ANPEP: variants seen among roughly 807,000 people sequenced by gnomAD.
The protein encoded by ANPEP is alanyl aminopeptidase, membrane.
A neutral mutation model predicts 114.6 loss-of-function variants in ANPEP; 70 were observed. The observed-to-expected ratio is 0.61, with a 90% confidence interval of 0.50 to 0.75. The LOEUF is 0.75. Ranked by LOEUF, ANPEP falls within the 30% of genes least tolerant of loss-of-function variation. The pLI, the probability that ANPEP is intolerant of heterozygous loss-of-function variation, is 0.00. For missense variants in ANPEP, 1,184 were observed against 1,259.5 expected, an observed-to-expected ratio of 0.94 and a Z score of 0.91; for synonymous variants, 548 against 522.3, an observed-to-expected ratio of 1.05 and a Z score of -0.67.
In ANPEP at chr15:89,806,505, T is replaced by G. The variant is rs369184847; in HGVS notation, c.79A>C (p.Ile27Leu). 2.0e-5 allele frequency: 32 copies of G among 1,613,838 alleles called. No homozygotes were observed. The highest frequency in any genetic ancestry group is 2.5e-5 in the Non-Finnish European group (30 of 1,179,934). Residue 27 changes from isoleucine to leucine, a missense_variant, in exon 2 of 21, where the codon ATC becomes CTC. By Grantham distance (5) the Ile-to-Leu change is conservative. Coordinates refer to ENST00000300060, the MANE Select transcript of ANPEP (RefSeq NM_001150.3). This position sits in a 1 kb window ranked among gnomAD's most constrained non-coding sequence, Gnocchi z 5.7. ...LLGVAAVCTI[I>L]ALSVVYSQEK... Reference sequence around the variant, plus strand: ...TGGGAGTACACCACTGACAGTGCGATGATTGTGCACACGGCTGCCACGCCC... The same window carrying G: ...TGGGAGTACACCACTGACAGTGCGAGGATTGTGCACACGGCTGCCACGCCC...
At chr15:89,794,983 T>C (rs1968701863) in intron 15 of ANPEP, among the ~76,000 whole-genome samples, 1 of 152,156 alleles carries the variant, frequency 6.6e-6, no homozygotes, top group South Asian at 2.1e-4. Context: ...CCATGGAGCT[T>C]CCACTTGCAT....
intron 4 of ANPEP, 149 bp downstream of exon 4, chr15:89,804,927 CAG>C: frequency 8.6e-7 from 1 of 1,156,106 alleles, no homozygotes; most frequent in Non-Finnish European, 1.2e-6. Flanking sequence ...AATGGAGAAC[CAG>C]AGAACAAGAC....
chr15:89,804,999 G>A, intron 4 of ANPEP, 79 bp downstream of exon 4: 1 of 1,585,590 alleles, frequency 6.3e-7, no homozygotes, highest in Non-Finnish European at 8.6e-7. Context: ...TCAGAAACTG[G>A]CACAGGGATG....
At chr15:89,792,356 G>A (rs1298379338) in intron 17 of ANPEP, 29 bp from the exon 18 acceptor site, 1 of 1,613,132 alleles carries the variant, frequency 6.2e-7, no homozygotes, top group Non-Finnish European at 8.5e-7. Context: ...GTCAGGTGTG[G>A]AACAGCAGCG....
At position 89,803,135 on chromosome 15, in the gene ANPEP, G is replaced by T; in HGVS notation, c.1569+104C>A. ...TCCATCCACCCTGCAGGGCTGGTCA[G>T]CCGCGGAGCTGGACCCATTCTCTTA... On this transcript the variant is annotated intron_variant, in intron 10 of 20. Transcript: ENST00000300060. This position sits in a 1 kb window ranked among gnomAD's most constrained non-coding sequence, Gnocchi z 4.2. 2 of 1,315,982 alleles carry T rather than the reference G, an allele frequency of 1.5e-6. No individual in the cohort carries two copies. The highest frequency in any genetic ancestry group is 2.2e-6 in the Non-Finnish European group (2 of 913,764). The allele number at this position is 1,315,982 out of a possible 1,614,324, so 81.5% of individuals were successfully genotyped here. A position where few individuals can be genotyped will look rare whatever the true frequency, so the allele number is the denominator to read the frequency against.
At chr15:89,811,974 G>A (rs1894824071) in intron 1 of ANPEP, among the ~76,000 whole-genome samples, 1 of 152,222 alleles carries the variant, frequency 6.6e-6, no homozygotes, top group African/African-American at 2.4e-5. Context: ...TAAAACCAAA[G>A]CCAAAACCAA....
Position 89,805,343 on chromosome 15 carries a change from G to C in ANPEP, c.735C>G (p.Ala245=). Reference sequence around the variant, plus strand: ...CACCTTTGGGAAGCATGTTGGACAGGGCTGTCAGGTCCTTGGGGTGGATAA... The same window carrying C: ...CACCTTTGGGAAGCATGTTGGACAGCGCTGTCAGGTCCTTGGGGTGGATAA... ...ITLIHPKDLT[A]LSNMLPKGPS... is the part of the protein sequence containing the mutation. Residue 245 remains alanine, a synonymous_variant, in exon 3 of 21, where the codon GCC becomes GCG. Transcript: ENST00000300060. 1.9e-6 allele frequency: 3 copies of C among 1,614,110 alleles called. No homozygotes were observed. The highest frequency in any genetic ancestry group is 2.5e-6 in the Non-Finnish European group (3 of 1,179,980).
At chr15:89,800,983 T>C in intron 12 of ANPEP, 128 bp downstream of exon 12, 1 of 763,190 alleles carries the variant, frequency 1.3e-6, no homozygotes. Context: ...AGCAGCAAAG[T>C]GGAGATTGGA....
rs1490488301 is a variant in ANPEP at position 89,805,360 on chromosome 15, G to T, written c.718C>A (p.Pro240Thr). ...KAEFNITLIH[P>T]KDLTALSNML... ...TTGGACAGGGCTGTCAGGTCCTTGG[G>T]GTGGATAAGCGTGATGTTGAACTCG... is the stretch of plus-strand genomic sequence containing the variant. The change falls in exon 3 of 21, where the codon CCC becomes ACC. Residue 240 changes from proline (P) to threonine (T), a missense_variant. By Grantham distance (38) the Pro-to-Thr change is conservative. Coordinates refer to ENST00000300060, the MANE Select transcript of ANPEP (RefSeq NM_001150.3). The T allele has an allele frequency of 6.2e-6, 10 of 1,614,010 alleles. No homozygotes were observed. In the Admixed American group the frequency reaches 1.2e-4, roughly 19 times the overall value.
chr15:89,812,304 T>C (rs1207035377), intron 1 of ANPEP, among the ~76,000 whole-genome samples: 1 of 152,214 alleles, frequency 6.6e-6, no homozygotes, highest in Non-Finnish European at 1.5e-5. Flanking sequence ...AACCTGGGGC[T>C]CATTGTCTGC....
rs555464678 is a variant in ANPEP at position 89,796,636 on chromosome 15, C to T, written c.2157+939G>A. ...CCGAGTAGCTGGGACTACAGGTGCCCGCCACCACGCCTGGCTAATTTTTTG... is the reference window on the plus strand; with the variant it reads ...CCGAGTAGCTGGGACTACAGGTGCCTGCCACCACGCCTGGCTAATTTTTTG... On this transcript the variant is annotated intron_variant, in intron 15 of 20. Transcript: ENST00000300060. Among the ~76,000 whole-genome samples the T allele has an allele frequency of 1.1e-4, 17 of 151,898 alleles. 1 individual carries two copies. The highest frequency in any genetic ancestry group is 6.3e-4 in the South Asian group (3 of 4,792).
chr15:89,799,603 T>G lies in ANPEP; in HGVS notation c.1820-44A>C, dbSNP rs766785497. On this transcript the variant is annotated intron_variant, in intron 12 of 20. Coordinates refer to ENST00000300060, the MANE Select transcript of ANPEP (RefSeq NM_001150.3). This position sits in a 1 kb window ranked among gnomAD's most constrained non-coding sequence, Gnocchi z 4.2. ...CCTGGGCAGGGCTGCTCAGAGGCCATGGGCTGACCCCTGGACCTCTTGCAA... is the reference window on the plus strand; with the variant it reads ...CCTGGGCAGGGCTGCTCAGAGGCCAGGGGCTGACCCCTGGACCTCTTGCAA... The G allele has an allele frequency of 6.2e-7, 1 of 1,613,314 alleles. No individual in the cohort carries two copies. Among genetic ancestry groups the G allele is most frequent in the Admixed American group, 1.7e-5 (1 of 59,994 alleles).
At position 89,785,444 on chromosome 15, in the gene ANPEP, G is replaced by A; in HGVS notation, c.2809C>T (p.Leu937=). The change falls in exon 21 of 21, where the codon CTG becomes TTG. Residue 937 remains leucine, a synonymous_variant. Transcript: ENST00000300060. The part of the protein sequence containing the change: ...ETGFGSGTRA[L]EQALEKTKAN... ...TTCGTCTTCTCCAGGGCTTGCTCCA[G>A]GGCCCGGGTGCCTGAGCCGAAGCCT... is the stretch of plus-strand genomic sequence containing the variant. The A allele has an allele frequency of 6.2e-7, 1 of 1,614,120 alleles. No individual in the cohort carries two copies. The highest frequency in any genetic ancestry group is 1.7e-5 in the Admixed American group (1 of 60,024).
chr15:89,806,325 C>T lies in ANPEP; in HGVS notation c.259G>A (p.Val87Met). ...GGGGTGAGGTACGGTCTCAGCGTCA[C>T]CCGGTAGGAATCGGGTTTCAGCGTG... ...PNTLKPDSYR[V>M]TLRPYLTPND... The change falls in exon 2 of 21, where the codon GTG becomes ATG. Residue 87 changes from valine to methionine, a missense_variant. By Grantham distance (21) the Val-to-Met change is conservative (BLOSUM62 1). Transcript: ENST00000300060. This position sits in a 1 kb window ranked among gnomAD's most constrained non-coding sequence, Gnocchi z 5.7. 1.9e-6 allele frequency: 3 copies of T among 1,614,136 alleles called. 1 individual carries two copies. Among genetic ancestry groups the T allele is most frequent in the South Asian group, 2.2e-5 (2 of 91,082 alleles).
chr15:89,807,035 T>G (rs1596170872), intron 1 of ANPEP: 1 of 164,754 alleles, frequency 6.1e-6, no homozygotes, highest in Non-Finnish European at 1.3e-5. Context: ...AGAGAAGGGG[T>G]TCCCGGCTCC....
rs1361194298 is a variant in ANPEP, at chr15:89,790,891, G to GCCACCC, written c.2669+56_2669+61dup. ...CCCCCGGCGTGTCTTACCCGCACAG[G>GCCACCC]CCACCCCCCGGGGCCCCAGCCTCGG... On this transcript the variant is annotated intron_variant, in intron 19 of 20. Transcript: ENST00000300060. 4.3e-5 allele frequency: 68 copies of GCCACCC among 1,587,712 alleles called. No individual in the cohort carries two copies. The East Asian group carries it at 1.5e-3, about 34-fold the overall frequency.
chr15:89,812,233 G>A (rs1343457301), intron 1 of ANPEP, among the ~76,000 whole-genome samples: 2 of 152,242 alleles, frequency 1.3e-5, no homozygotes, highest in African/African-American at 4.8e-5. Flanking sequence ...CCTTGGGTAG[G>A]CCCCACCCAC....
intron 20 of ANPEP, among the ~76,000 whole-genome samples, chr15:89,788,783 ATT>A (rs1195840289): frequency 2.5e-4 from 37 of 149,998 alleles, no homozygotes; most frequent in Admixed American, 1.9e-3. Flanking sequence ...TTATTTATTT[ATT>A]TATTTATTTA....
At chr15:89,811,463 G>C (rs908187819) in intron 1 of ANPEP, among the ~76,000 whole-genome samples, 10 of 151,554 alleles carry the variant, frequency 6.6e-5, no homozygotes, top group African/African-American at 1.5e-4. Context: ...TGGCTAACAC[G>C]GTGAAACCTC....
Sources: allele counts gnomAD v4.1 joint callset (sites outside exome capture counted in the v4.1 genomes callset), GRCh38; gene constraint gnomAD v4.1.1; non-coding constraint Gnocchi (gnomAD v3.1); transcripts MANE v1.5; gene names NCBI Gene and HGNC (gene_info 2026-07-23, HGNC 2026-07-21).